PCDHGC3: variants seen among roughly 807,000 people sequenced by gnomAD.
PCDHGC3 encodes the protein protocadherin gamma subfamily C, 3, also known as protocadherin gamma-C3.
PCDHGC3 carries 26 observed loss-of-function variants against 59.2 expected under a neutral mutation model. The ratio of observed to expected loss-of-function variants is 0.44; its 90% CI spans 0.32 to 0.61. The LOEUF (loss-of-function observed/expected upper bound fraction) is 0.61. Among genes scored for constraint, PCDHGC3 ranks in the 20% least tolerant of loss-of-function variants. PCDHGC3 has a pLI of 0.05. For missense variants in PCDHGC3, 1,080 were observed against 1,221.8 expected, an observed-to-expected ratio of 0.88 and a Z score of 1.73; for synonymous variants, 487 against 519.7, an observed-to-expected ratio of 0.94 and a Z score of 0.86.
chr5:141,483,401 A>G (rs1052240280), intron 1 of PCDHGC3, among the ~76,000 whole-genome samples: 2 of 152,202 alleles, frequency 1.3e-5, no homozygotes, highest in African/African-American at 4.8e-5. Context: ...TGCTTGAACC[A>G]GCACAGTGGC....
Position 141,510,979 on chromosome 5 carries a change from G to A in PCDHGC3, c.2611G>A (p.Gly871Ser). 6.2e-7 allele frequency: 1 copy of A among 1,614,156 alleles called. No homozygotes were observed. The highest frequency in any genetic ancestry group is 8.5e-7 in the Non-Finnish European group (1 of 1,180,018). Reference sequence around the variant, plus strand: ...TGATGGGAGCTCCACCCTGGGAGGGGGTGCCGGCACCATGGGATTGAGCGC... The same window carrying A: ...TGATGGGAGCTCCACCCTGGGAGGGAGTGCCGGCACCATGGGATTGAGCGC... ...AADGSSTLGG[G>S]AGTMGLSARY... The change falls in exon 4 of 4, where the codon GGT becomes AGT. Residue 871 changes from glycine (G) to serine (S), a missense_variant. Physicochemically the swap from Gly to Ser is moderately conservative, Grantham distance 56. Transcript: ENST00000308177.
At chr5:141,505,523 G>C in intron 3 of PCDHGC3, 42 bp downstream of exon 3, 2 of 1,612,760 alleles carry the variant, frequency 1.2e-6, no homozygotes, top group South Asian at 2.2e-5. Context: ...GGGAGACCTG[G>C]GGTTCTGGGG....
chr5:141,485,109 CTGTT>C lies in PCDHGC3; in HGVS notation c.2430+6566_2430+6569del. ...AGATAGGTGTCTCCAGCTGCTGTGG[CTGTT>C]TGGGGCGGGTCGGCTTCATCCGCGT... On this transcript the variant is annotated intron_variant, in intron 1 of 3. Transcript: ENST00000308177. This position sits in a 1 kb window ranked among gnomAD's most constrained non-coding sequence, Gnocchi z 5.7. 8.1e-7 allele frequency: 1 copy of C among 1,230,964 alleles called. No individual in the cohort carries two copies. Among genetic ancestry groups the C allele is most frequent in the Non-Finnish European group, 1.2e-6 (1 of 850,026 alleles). The allele number at this position is 1,230,964 out of a possible 1,614,324, so 76.3% of individuals were successfully genotyped here.
intron 1 of PCDHGC3, among the ~76,000 whole-genome samples, chr5:141,481,105 T>C (rs1357970765): frequency 6.6e-6 from 1 of 152,188 alleles, no homozygotes; most frequent in Non-Finnish European, 1.5e-5. Flanking sequence ...CTCTGGAACC[T>C]ACCAATCCAT....
chr5:141,491,869 G>C lies in PCDHGC3; in HGVS notation c.2431-2938G>C. On this transcript the variant is annotated intron_variant, in intron 1 of 3. Transcript: ENST00000308177. This position sits in a 1 kb window ranked among gnomAD's most constrained non-coding sequence, Gnocchi z 6.9. ...GGACCGTTTGCGCGAAACCAGAGTG[G>C]CCGATTAAGGGATGGGGCTCCGAGC... The C allele has an allele frequency of 6.9e-7, 1 of 1,453,094 alleles. No homozygotes were observed. Among genetic ancestry groups the C allele is most frequent in the South Asian group, 1.5e-5 (1 of 68,080 alleles). 90.0% of individuals were successfully genotyped at this position (1,453,094 alleles called of 1,614,324 possible).
chr5:141,478,576 G>C (rs543160289), intron 1 of PCDHGC3, 30 bp downstream of exon 1: 3 of 1,585,598 alleles, frequency 1.9e-6, no homozygotes, highest in Middle Eastern at 3.3e-4. Flanking sequence ...GCTTGACCCT[G>C]TTAGTGCTTT....
intron 2 of PCDHGC3, among the ~76,000 whole-genome samples, chr5:141,499,016 GGAAGGAA>G (rs2099788564): frequency 7.0e-6 from 1 of 143,496 alleles, no homozygotes; most frequent in Non-Finnish European, 1.5e-5. Flanking sequence ...AAGGAAGGAA[GGAAGGAA>G]GGAAGAAAAG....
At position 141,476,114 on chromosome 5, in the gene PCDHGC3, G is replaced by C; in HGVS notation, c.-3G>C. 3.8e-6 allele frequency: 6 copies of C among 1,592,296 alleles called. No homozygotes were observed. Among genetic ancestry groups the C allele is most frequent in the Non-Finnish European group, 5.1e-6 (6 of 1,171,536 alleles). On this transcript the variant is annotated 5_prime_UTR_variant, in exon 1 of 4. Coordinates refer to ENST00000308177, the MANE Select transcript of PCDHGC3 (RefSeq NM_002588.4). This position sits in a 1 kb window ranked among gnomAD's most constrained non-coding sequence, Gnocchi z 7.6. Reference sequence around the variant, plus strand: ...CCGCTGAGAGGAACTGCTTTTGAGTGAGATGGTCCCAGAGGCCTGGAGGAG... The same window carrying C: ...CCGCTGAGAGGAACTGCTTTTGAGTCAGATGGTCCCAGAGGCCTGGAGGAG...
rs1293684074 is a variant in PCDHGC3 at position 141,512,899 on chromosome 5, C to T, written c.*1726C>T. On this transcript the variant is annotated 3_prime_UTR_variant, in exon 4 of 4. Transcript: ENST00000308177. ...CCCACCCCACCCTCTTCCTGTGTCT[C>T]ACGCAAGTTTTATACTCTAATATTT... 1 of 152,260 alleles carries T rather than the reference C, an allele frequency of 6.6e-6. No homozygotes were observed. Among genetic ancestry groups the T allele is most frequent in the Non-Finnish European group, 1.5e-5 (1 of 68,064 alleles). 9.4% of individuals were successfully genotyped at this position (152,260 alleles called of 1,614,324 possible). A position where few individuals can be genotyped will look rare whatever the true frequency, so the allele number is the denominator to read the frequency against.
intron 2 of PCDHGC3, among the ~76,000 whole-genome samples, chr5:141,501,075 A>C (rs980856799): frequency 6.6e-6 from 1 of 151,366 alleles, no homozygotes; most frequent in African/African-American, 2.4e-5. Context: ...CACCATGTTG[A>C]CCAGGATGGT....
chr5:141,498,786 A>T (rs2099785591), intron 2 of PCDHGC3, among the ~76,000 whole-genome samples: 1 of 152,050 alleles, frequency 6.6e-6, no homozygotes, highest in East Asian at 1.9e-4. Context: ...ACAAAATATT[A>T]GCCAGGTGTG....
At chr5:141,498,089 A>G (rs1402239680) in intron 2 of PCDHGC3, among the ~76,000 whole-genome samples, 3 of 152,370 alleles carry the variant, frequency 2.0e-5, no homozygotes, top group South Asian at 2.1e-4. Context: ...GTAGAATTGT[A>G]TCTGGTGGTG....
At position 141,485,135 on chromosome 5, in the gene PCDHGC3, G is replaced by A; in HGVS notation, c.2430+6589G>A. 6.7e-7 allele frequency: 1 copy of A among 1,500,498 alleles called. No individual in the cohort carries two copies. Among genetic ancestry groups the A allele is most frequent in the East Asian group, 2.3e-5 (1 of 44,254 alleles). 92.9% of individuals were successfully genotyped at this position (1,500,498 alleles called of 1,614,324 possible). A position where few individuals can be genotyped will look rare whatever the true frequency, so the allele number is the denominator to read the frequency against. On this transcript the variant is annotated intron_variant, in intron 1 of 3. Coordinates refer to ENST00000308177, the MANE Select transcript of PCDHGC3 (RefSeq NM_002588.4). The surrounding 1 kb of genome is among the most constrained non-coding windows in gnomAD (Gnocchi z 5.7). ...TGTTTGGGGCGGGTCGGCTTCATCCGCGTCTCAGGAGCAAGTAGAGAATTA... is the reference window on the plus strand; with the variant it reads ...TGTTTGGGGCGGGTCGGCTTCATCCACGTCTCAGGAGCAAGTAGAGAATTA...
At chr5:141,478,576 G>A (rs543160289) in intron 1 of PCDHGC3, 30 bp downstream of exon 1, 1 of 1,585,480 alleles carries the variant, frequency 6.3e-7, no homozygotes, top group Non-Finnish European at 8.6e-7. Flanking sequence ...GCTTGACCCT[G>A]TTAGTGCTTT....
At chr5:141,503,607 A>G (rs141670522) in intron 2 of PCDHGC3, among the ~76,000 whole-genome samples, 63 of 151,996 alleles carry the variant, frequency 4.1e-4, no homozygotes, top group African/African-American at 1.4e-3. Flanking sequence ...TCAAAAAAAA[A>G]AAAAAAAGAA....
In PCDHGC3 at chr5:141,485,233, C is replaced by T; in HGVS notation, c.2430+6687C>T. 1.2e-6 allele frequency: 2 copies of T among 1,614,182 alleles called. No individual in the cohort carries two copies. The highest frequency in any genetic ancestry group is 1.7e-6 in the Non-Finnish European group (2 of 1,180,030). ...GGCGGTGGGCTACCCTTTTGTTCCTCTTTTACCACCTGGGTTACGTTTGTG... is the reference window on the plus strand; with the variant it reads ...GGCGGTGGGCTACCCTTTTGTTCCTTTTTTACCACCTGGGTTACGTTTGTG... On this transcript the variant is annotated intron_variant, in intron 1 of 3. Transcript: ENST00000308177. This position sits in a 1 kb window ranked among gnomAD's most constrained non-coding sequence, Gnocchi z 5.7.
At position 141,477,868 on chromosome 5, in the gene PCDHGC3, C is replaced by G; in HGVS notation, c.1752C>G (p.Thr584=). Reference sequence around the variant, plus strand: ...CGGTGGAGATGCTGCCTCGAGGTACCTCAGCTGGCCACCTAGTGTCACGGG... The same window carrying G: ...CGGTGGAGATGCTGCCTCGAGGTACGTCAGCTGGCCACCTAGTGTCACGGG... ...GSSVEMLPRG[T]SAGHLVSRVV... is the part of the protein sequence containing the mutation. Residue 584 remains threonine (T), a synonymous_variant, in exon 1 of 4, where the codon ACC becomes ACG. Coordinates refer to ENST00000308177, the MANE Select transcript of PCDHGC3 (RefSeq NM_002588.4). The surrounding 1 kb of genome is among the most constrained non-coding windows in gnomAD (Gnocchi z 4.9). 1 of 1,613,750 alleles carries G rather than the reference C, an allele frequency of 6.2e-7. No individual in the cohort carries two copies. Among genetic ancestry groups the G allele is most frequent in the Non-Finnish European group, 8.5e-7 (1 of 1,179,908 alleles).
At chr5:141,502,398 C>T (rs1303456458) in intron 2 of PCDHGC3, among the ~76,000 whole-genome samples, 1 of 151,688 alleles carries the variant, frequency 6.6e-6, no homozygotes, top group Non-Finnish European at 1.5e-5. Flanking sequence ...TTAAAATGTC[C>T]CCGAACCTGG....
chr5:141,489,546 C>T lies in PCDHGC3; in HGVS notation c.2431-5261C>T, dbSNP rs1404605129. ...GCCTATGTGGAGCCAGCACCAGCTGCCTGCTGCCAGTGCAGGTGGTGACTG... is the reference window on the plus strand; with the variant it reads ...GCCTATGTGGAGCCAGCACCAGCTGTCTGCTGCCAGTGCAGGTGGTGACTG... On this transcript the variant is annotated intron_variant, in intron 1 of 3. Coordinates refer to ENST00000308177, the MANE Select transcript of PCDHGC3 (RefSeq NM_002588.4). The surrounding 1 kb of genome is among the most constrained non-coding windows in gnomAD (Gnocchi z 4.5). 2 of 1,614,076 alleles carry T rather than the reference C, an allele frequency of 1.2e-6. No homozygotes were observed. The highest frequency in any genetic ancestry group is 2.2e-5 in the East Asian group (1 of 44,868).
Sources: allele counts gnomAD v4.1 joint callset (sites outside exome capture counted in the v4.1 genomes callset), GRCh38; gene constraint gnomAD v4.1.1; non-coding constraint Gnocchi (gnomAD v3.1); transcripts MANE v1.5; gene names NCBI Gene and HGNC (gene_info 2026-07-23, HGNC 2026-07-21).